The following ADCY8 variants were observed in gnomAD, a reference collection of about 807,000 sequenced individuals.
ADCY8 encodes adenylate cyclase 8, also known as adenylate cyclase type 8.
ADCY8 carries 51 observed loss-of-function variants against 119.7 expected under a neutral mutation model. That is an observed-to-expected ratio of 0.43 (90% CI 0.34 to 0.54). The LOEUF is 0.54. Ranked by LOEUF, ADCY8 falls within the 20% of genes least tolerant of loss-of-function variation. The pLI is 0.03. For missense variants in ADCY8, 1,383 were observed against 1,598.8 expected (o/e 0.87, Z 2.30); for synonymous variants, 665 against 651.0 (o/e 1.02, Z -0.33).
intron 5 of ADCY8, among the ~76,000 whole-genome samples, chr8:130,926,960 T>TATATATATATATATATATATAC (rs1554616978): frequency 6.9e-6 from 1 of 144,058 alleles, no homozygotes; most frequent in African/African-American, 2.6e-5. Context: ...TATATATATA[T>TATATATATATATATATATATAC]ACACACACCA....
intron 5 of ADCY8, among the ~76,000 whole-genome samples, chr8:130,928,562 A>T (rs1563732436): frequency 6.6e-6 from 1 of 152,038 alleles, no homozygotes; most frequent in Non-Finnish European, 1.5e-5. Context: ...TGTCATTGTG[A>T]TGTATCACAG....
At chr8:131,030,732 A>G (rs1823971200) in intron 1 of ADCY8, among the ~76,000 whole-genome samples, 1 of 152,176 alleles carries the variant, frequency 6.6e-6, no homozygotes, top group African/African-American at 2.4e-5. Flanking sequence ...TATTTGGGGG[A>G]AAAGTTTATC....
intron 7 of ADCY8, among the ~76,000 whole-genome samples, chr8:130,897,729 CAT>C (rs1440538915): frequency 3.6e-3 from 2 of 556 alleles, no homozygotes; most frequent in African/African-American, 6.1e-3. Flanking sequence ...ACATCACACA[CAT>C]ACAACACATG....
rs1815733144 is a variant in ADCY8, at chr8:130,800,335, A to AAAG, written c.3060+90_3060+91insCTT. 5.9e-6 allele frequency: 9 copies of AAAG among 1,532,412 alleles called. No individual in the cohort carries two copies. In the Admixed American group the frequency reaches 1.8e-4, roughly 31 times the overall value. The allele number at this position is 1,532,412 out of a possible 1,614,324, so 94.9% of individuals were successfully genotyped here. On this transcript the variant is annotated intron_variant, in intron 15 of 17. Transcript: ENST00000286355. ...AGGCTGGAATTCCGTTAAGTGCAAA[A>AAAG]AAAAAAAATAAGTAATTCCTACAAT...
rs1319374848 is a variant in ADCY8 at position 130,903,378 on chromosome 8, C to A, written c.1911+394G>T. Among the ~76,000 whole-genome samples, 4 of 151,536 alleles carry A rather than the reference C, an allele frequency of 2.6e-5. No homozygotes were observed. In the East Asian group the frequency reaches 7.8e-4, roughly 29 times the overall value. ...GAGGGTGACACAGAACTGATGATGG[C>A]CAGCTACCGAAAAAGGGGCATTCCC... is the stretch of plus-strand genomic sequence containing the variant. On this transcript the variant is annotated intron_variant, in intron 7 of 17. Coordinates refer to ENST00000286355, the MANE Select transcript of ADCY8 (RefSeq NM_001115.3).
intron 7 of ADCY8, among the ~76,000 whole-genome samples, chr8:130,902,228 C>G (rs1366728177): frequency 2.6e-5 from 4 of 152,110 alleles, no homozygotes; most frequent in African/African-American, 9.7e-5. Context: ...TTTAAATAAT[C>G]AGCATACAGA....
At chr8:130,899,584 C>T (rs1405072227) in intron 7 of ADCY8, among the ~76,000 whole-genome samples, 3 of 150,194 alleles carry the variant, frequency 2.0e-5, no homozygotes, top group East Asian at 2.0e-4. Flanking sequence ...CCAGCCTGGG[C>T]GACAGAGTGA....
intron 9 of ADCY8, among the ~76,000 whole-genome samples, chr8:130,862,544 T>A (rs1230822688): frequency 2.0e-5 from 3 of 151,984 alleles, no homozygotes; most frequent in Non-Finnish European, 4.4e-5. Context: ...TCCCAAGTAG[T>A]TGGGACTACA....
chr8:130,903,079 C>T (rs1819654736), intron 7 of ADCY8, among the ~76,000 whole-genome samples: 1 of 151,978 alleles, frequency 6.6e-6, no homozygotes, highest in Non-Finnish European at 1.5e-5. Context: ...TCTCTAAGTG[C>T]CTCTTGGAGT....
At chr8:130,786,805 A>G (rs1208396688) in intron 15 of ADCY8, among the ~76,000 whole-genome samples, 2 of 152,182 alleles carry the variant, frequency 1.3e-5, no homozygotes, top group Non-Finnish European at 2.9e-5. Context: ...TTTTGATCTA[A>G]TCTGAAGGAT....
chr8:130,843,528 T>G lies in ADCY8; in HGVS notation c.2502+3896A>C, dbSNP rs150789422. Among the ~76,000 whole-genome samples, 225 of 152,340 alleles carry G rather than the reference T, an allele frequency of 1.5e-3. 4 individuals carry two copies. The highest frequency in any genetic ancestry group is 4.9e-3 in the African/African-American group (204 of 41,586). The stretch of plus-strand genomic sequence containing the variant: ...TAGTCTAAAAATTCTCTTAAAGCAA[T>G]AATAAAGCTCAGGCAATCACTTGCT... On this transcript the variant is annotated intron_variant, in intron 11 of 17. Transcript: ENST00000286355.
intron 1 of ADCY8, among the ~76,000 whole-genome samples, chr8:131,000,998 C>T (rs1822928426): frequency 1.3e-5 from 2 of 152,048 alleles, no homozygotes; most frequent in Admixed American, 1.3e-4. Context: ...TCAGTTAAGA[C>T]GTTCATGGAG....
At chr8:130,900,165 C>A (rs1819547960) in intron 7 of ADCY8, among the ~76,000 whole-genome samples, 1 of 152,162 alleles carries the variant, frequency 6.6e-6, no homozygotes, top group South Asian at 2.1e-4. Flanking sequence ...CATGGGTGTT[C>A]AGGATGTCCA....
chr8:130,888,496 C>T (rs1157744022), intron 7 of ADCY8, among the ~76,000 whole-genome samples: 1 of 152,000 alleles, frequency 6.6e-6, no homozygotes, highest in Non-Finnish European at 1.5e-5. Context: ...AGTTTTTTCC[C>T]AAAATGATGT....
chr8:130,938,291 A>G (rs1820850086), intron 4 of ADCY8, among the ~76,000 whole-genome samples: 1 of 152,180 alleles, frequency 6.6e-6, no homozygotes, highest in Non-Finnish European at 1.5e-5. Context: ...GTGAAAGCTC[A>G]GTACAGGGCC....
chr8:131,015,251 T>C (rs941848489), intron 1 of ADCY8, among the ~76,000 whole-genome samples: 1 of 152,132 alleles, frequency 6.6e-6, no homozygotes, highest in Admixed American at 6.6e-5. Flanking sequence ...AAATAACATT[T>C]TATTTGCCTT....
intron 5 of ADCY8, among the ~76,000 whole-genome samples, chr8:130,918,904 T>C (rs759502035): frequency 2.6e-5 from 4 of 152,144 alleles, no homozygotes; most frequent in Non-Finnish European, 5.9e-5. Context: ...CTACTAAAAA[T>C]ACAAAAATTA....
At chr8:130,881,029 G>A (rs760288619) in intron 8 of ADCY8, among the ~76,000 whole-genome samples, 3 of 152,198 alleles carry the variant, frequency 2.0e-5, no homozygotes, top group Non-Finnish European at 4.4e-5. Context: ...AGACTCCTGT[G>A]AGGGAGCAGG....
chr8:130,915,108 ATTTCT>A (rs1305244042), intron 5 of ADCY8, among the ~76,000 whole-genome samples: 3 of 152,164 alleles, frequency 2.0e-5, no homozygotes, highest in Non-Finnish European at 4.4e-5. Context: ...TCCATTCAAA[ATTTCT>A]TTTAAATAAA....
Sources: allele counts gnomAD v4.1 joint callset (sites outside exome capture counted in the v4.1 genomes callset), GRCh38; gene constraint gnomAD v4.1.1; transcripts MANE v1.5; gene names NCBI Gene and HGNC (gene_info 2026-07-23, HGNC 2026-07-21).